TET2: variants seen among roughly 807,000 people sequenced by gnomAD.
The protein encoded by TET2 is tet methylcytosine dioxygenase 2.
Under a neutral mutation model 142.9 loss-of-function variants are expected in TET2, and 299 were observed. The ratio of observed to expected loss-of-function variants is 2.09; its 90% confidence interval spans 1.90 to 2.30. The LOEUF is 2.30. TET2 is among the 30% of genes most tolerant of loss of function. The pLI, the probability that TET2 is intolerant of heterozygous loss-of-function variation, is 0.00. For missense variants in TET2, 2,418 were observed against 2,378.0 expected (o/e 1.02, Z -0.35); for synonymous variants, 819 against 849.0 (o/e 0.96, Z 0.61).
At chr4:105,148,597 G>T (rs1329850274) in intron 1 of TET2, among the ~76,000 whole-genome samples, 1 of 152,132 alleles carries the variant, frequency 6.6e-6, no homozygotes, top group African/African-American at 2.4e-5. Context: ...GGGTATTGTT[G>T]CCTGGCTAAT....
At chr4:105,161,566 C>T (rs1472601703) in intron 1 of TET2, among the ~76,000 whole-genome samples, 2 of 152,142 alleles carry the variant, frequency 1.3e-5, no homozygotes, top group Non-Finnish European at 2.9e-5. Flanking sequence ...AAAAATCATC[C>T]TATCTTATAT....
In TET2 at chr4:105,278,339, G is replaced by C; in HGVS notation, c.*1820G>C. 4.6e-6 allele frequency: 1 copy of C among 216,320 alleles called. No homozygotes were observed. Among genetic ancestry groups the C allele is most frequent in the Non-Finnish European group, 9.3e-6 (1 of 108,052 alleles). The allele number at this position is 216,320 out of a possible 1,614,324, so 13.4% of individuals were successfully genotyped here. ...ATACCTCAACACTAGTTTGGCAATA[G>C]GATATTGAACTGAGAGTGAAAGCAT... On this transcript the variant is annotated 3_prime_UTR_variant, in exon 11 of 11. Transcript: ENST00000380013.
intron 6 of TET2, among the ~76,000 whole-genome samples, chr4:105,246,420 A>C (rs967569759): frequency 2.6e-5 from 4 of 152,242 alleles, no homozygotes; most frequent in African/African-American, 4.8e-5. Context: ...ACATGCTTCA[A>C]ATATGAAGAC....
intron 2 of TET2, among the ~76,000 whole-genome samples, chr4:105,205,055 T>G (rs1424013256): frequency 6.6e-6 from 1 of 152,134 alleles, no homozygotes; most frequent in Non-Finnish European, 1.5e-5. Context: ...AATAAAAGAG[T>G]TTTAAGACTC....
At chr4:105,186,921 T>TAG (rs1231826121) in intron 1 of TET2, among the ~76,000 whole-genome samples, 9 of 152,230 alleles carry the variant, frequency 5.9e-5, no homozygotes, top group Non-Finnish European at 1.2e-4. Flanking sequence ...GGAACTATAT[T>TAG]CTAGCAAGAG....
Position 105,236,554 on chromosome 4 carries a change from A to G in TET2, c.2612A>G (p.Asn871Ser), listed in dbSNP as rs1365636726. 1 of 1,613,978 alleles carries G rather than the reference A, an allele frequency of 6.2e-7. No individual in the cohort carries two copies. Among genetic ancestry groups the G allele is most frequent in the East Asian group, 2.2e-5 (1 of 44,850 alleles). ...CATCACATGCAATATTTTCCAAATAATGTGATCCCAAAGCAAGATCTTCTT... is the reference window on the plus strand; with the variant it reads ...CATCACATGCAATATTTTCCAAATAGTGTGATCCCAAAGCAAGATCTTCTT... The part of the protein sequence containing the change: ...NLHHMQYFPN[N>S]VIPKQDLLHR... The change falls in exon 3 of 11, where the codon AAT becomes AGT. Residue 871 changes from asparagine to serine, a missense_variant. Physicochemically the swap from Asn to Ser is conservative, Grantham distance 46. Coordinates refer to ENST00000380013, the MANE Select transcript of TET2 (RefSeq NM_001127208.3).
intron 1 of TET2, among the ~76,000 whole-genome samples, chr4:105,176,474 A>G (rs767446902): frequency 2.0e-5 from 3 of 152,188 alleles, no homozygotes; most frequent in Non-Finnish European, 2.9e-5. Flanking sequence ...AAGAAAGCCA[A>G]TCACTTTCCT....
chr4:105,212,598 A>G (rs937958949), intron 2 of TET2, among the ~76,000 whole-genome samples: 4 of 152,206 alleles, frequency 2.6e-5, no homozygotes, highest in East Asian at 1.9e-4. Flanking sequence ...TGGCTGGTCT[A>G]TATTTTCTAG....
chr4:105,268,327 A>ATT (rs1730790344), intron 8 of TET2, among the ~76,000 whole-genome samples: 1 of 151,742 alleles, frequency 6.6e-6, no homozygotes, highest in South Asian at 2.1e-4. Flanking sequence ...TTAGACATAC[A>ATT]TTTGACAAAA....
chr4:105,277,439 T>TA lies in TET2; in HGVS notation c.*920_*921insA, dbSNP rs777126591. The TA allele has an allele frequency of 2.5e-4, 57 of 226,220 alleles. No homozygotes were observed. Among genetic ancestry groups the TA allele is most frequent in the Non-Finnish European group, 4.6e-4 (52 of 113,752 alleles). The allele number at this position is 226,220 out of a possible 1,614,324, so 14.0% of individuals were successfully genotyped here. A position where few individuals can be genotyped will look rare whatever the true frequency, so the allele number is the denominator to read the frequency against. ...AGAAGCACTTTGTCTACCTAAGCTT[T>TA]GACAACTTGAACAATGCTAAGGTAC... On this transcript the variant is annotated 3_prime_UTR_variant, in exon 11 of 11. Transcript: ENST00000380013.
rs781142363 is a variant in TET2, at chr4:105,262,633, A to G, written c.4044+785A>G. 1.1e-4 allele frequency among the ~76,000 whole-genome samples: 16 copies of G among 152,170 alleles called. No homozygotes were observed. In the Middle Eastern group the frequency reaches 0.014, roughly 129 times the overall value. On this transcript the variant is annotated intron_variant, in intron 8 of 10. Transcript: ENST00000380013. ...ACGGTGGCTCACACCTTTAATCCCA[A>G]CACTTTGGGAGGCCAAGGCAGGTGG...
rs1185707245 is a variant in TET2, at chr4:105,219,641, TTTTG to T, written c.-46-14244_-46-14241del. ...TCTACCTTTTGATAGCTTTGTGGGG[TTTTG>T]TTTGTTTGTTTTTTGTTTTGCCATT... On this transcript the variant is annotated intron_variant, in intron 2 of 10. Coordinates refer to ENST00000380013, the MANE Select transcript of TET2 (RefSeq NM_001127208.3). Among the ~76,000 whole-genome samples, 7 of 152,124 alleles carry T rather than the reference TTTTG, an allele frequency of 4.6e-5. No homozygotes were observed. In the South Asian group the frequency reaches 6.2e-4, roughly 14 times the overall value.
chr4:105,239,302 A>T (rs1325026722), intron 3 of TET2: 1 of 240,384 alleles, frequency 4.2e-6, no homozygotes, highest in East Asian at 6.4e-5. Context: ...CAAGAGAGTC[A>T]GCCTGTCCTT....
At chr4:105,259,480 T>C (rs1730309074) in intron 6 of TET2, 139 bp from the exon 7 acceptor site, 1 of 695,472 alleles carries the variant, frequency 1.4e-6, no homozygotes, top group South Asian at 3.2e-5. Context: ...TAGTTCTGTG[T>C]GTGGTTATGC....
intron 1 of TET2, among the ~76,000 whole-genome samples, chr4:105,152,666 C>T (rs1378848564): frequency 9.4e-5 from 13 of 138,910 alleles, no homozygotes; most frequent in African/African-American, 1.9e-4. Flanking sequence ...GGTGTGATCT[C>T]GGCTCACTGC....
chr4:105,153,571 A>G (rs1375951255), intron 1 of TET2, among the ~76,000 whole-genome samples: 1 of 152,136 alleles, frequency 6.6e-6, no homozygotes, highest in Non-Finnish European at 1.5e-5. Context: ...TTTAATTCTC[A>G]TCACAACCCT....
chr4:105,268,100 A>T (rs1730776984), intron 8 of TET2, among the ~76,000 whole-genome samples: 1 of 152,086 alleles, frequency 6.6e-6, no homozygotes, highest in Non-Finnish European at 1.5e-5. Flanking sequence ...GTAAGGCAAT[A>T]AATAAAGCAG....
intron 2 of TET2, among the ~76,000 whole-genome samples, chr4:105,232,783 G>T (rs1004538629): frequency 1.3e-5 from 2 of 152,196 alleles, no homozygotes; most frequent in Non-Finnish European, 2.9e-5. Context: ...ATTCTCAAAA[G>T]ATTTGGGCAG....
At chr4:105,154,667 A>G (rs1181080403) in intron 1 of TET2, among the ~76,000 whole-genome samples, 1 of 152,192 alleles carries the variant, frequency 6.6e-6, no homozygotes, top group Non-Finnish European at 1.5e-5. Context: ...GTATAGGTGC[A>G]AGAAACTTTC....
Sources: gnomAD v4.1 joint callset for allele counts (sites outside exome capture counted in the v4.1 genomes callset) on GRCh38, gnomAD v4.1.1 for gene constraint, MANE v1.5 for transcripts, NCBI Gene and HGNC (gene_info 2026-07-23, HGNC 2026-07-21) for gene names.